The following SGCD variants were observed in gnomAD, a reference collection of about 807,000 sequenced individuals.
SGCD encodes the protein delta-sarcoglycan.
SGCD carries 18 observed loss-of-function variants against 36.6 expected under a neutral mutation model. That is an observed-to-expected ratio of 0.49 (90% confidence interval 0.34 to 0.73). The LOEUF is 0.73. Ranked by LOEUF, SGCD falls within the 30% of genes least tolerant of loss-of-function variation. The pLI is 0.01. For synonymous variants in SGCD, 133 were observed against 130.6 expected (o/e 1.02, Z -0.12); for missense variants, 387 against 346.7 (o/e 1.12, Z -0.92).
At chr5:156,214,941 T>C (rs750691494) in intron 3 of SGCD, among the ~76,000 whole-genome samples, 4 of 151,944 alleles carry the variant, frequency 2.6e-5, no homozygotes, top group Non-Finnish European at 4.4e-5. Flanking sequence ...GATGCAAAAA[T>C]AAAATCAAAA....
At chr5:156,660,263 G>A (rs1763857551) in intron 7 of SGCD, among the ~76,000 whole-genome samples, 1 of 151,950 alleles carries the variant, frequency 6.6e-6, no homozygotes, top group Non-Finnish European at 1.5e-5. Flanking sequence ...GATACCCAAT[G>A]GAAATATTTA....
intron 3 of SGCD, among the ~76,000 whole-genome samples, chr5:156,301,439 CTT>C (rs1265413951): frequency 2.0e-5 from 3 of 151,974 alleles, no homozygotes; most frequent in Non-Finnish European, 4.4e-5. Context: ...TGTTGTTTCT[CTT>C]TATATCTTAT....
chr5:155,821,263 A>G, the SGCD span, among the ~76,000 whole-genome samples: 1 of 152,178 alleles, frequency 6.6e-6, no homozygotes, highest in Non-Finnish European at 1.5e-5. Flanking sequence ...CTAAGTAAAT[A>G]GTCAGGGATT....
intron 3 of SGCD, among the ~76,000 whole-genome samples, chr5:156,273,572 T>A (rs1456087461): frequency 6.6e-6 from 1 of 152,212 alleles, no homozygotes; most frequent in Non-Finnish European, 1.5e-5. Context: ...CTGAGCTAAA[T>A]TTATTTCTCT....
intron 1 of SGCD, among the ~76,000 whole-genome samples, chr5:156,039,227 C>T (rs1248413007): frequency 6.8e-6 from 1 of 145,988 alleles, no homozygotes; most frequent in East Asian, 1.9e-4. Flanking sequence ...AATCAGCCAG[C>T]ACACTTAGTT....
chr5:155,777,407 A>G, the SGCD span, among the ~76,000 whole-genome samples: 1 of 149,698 alleles, frequency 6.7e-6, no homozygotes, highest in South Asian at 2.1e-4. Flanking sequence ...TCCAGGCTGG[A>G]GTACAGTGGC....
At chr5:156,272,204 A>G (rs1434259529) in intron 3 of SGCD, among the ~76,000 whole-genome samples, 3 of 152,060 alleles carry the variant, frequency 2.0e-5, no homozygotes, top group Non-Finnish European at 4.4e-5. Flanking sequence ...CCCAAGTTCC[A>G]TTATATTGTG....
At chr5:156,467,815 A>G (rs774501080) in intron 3 of SGCD, among the ~76,000 whole-genome samples, 1 of 152,230 alleles carries the variant, frequency 6.6e-6, no homozygotes, top group African/African-American at 2.4e-5. Flanking sequence ...TTTATAGACT[A>G]TAGGTTGCTG....
At chr5:156,572,092 A>G (rs1328241911) in intron 4 of SGCD, among the ~76,000 whole-genome samples, 1 of 152,216 alleles carries the variant, frequency 6.6e-6, no homozygotes, top group Non-Finnish European at 1.5e-5. Context: ...TCATTTTTGC[A>G]GGGGAATAAT....
chr5:156,611,528 C>A (rs1761810936), intron 6 of SGCD, among the ~76,000 whole-genome samples: 3 of 151,862 alleles, frequency 2.0e-5, no homozygotes, highest in African/African-American at 7.3e-5. Flanking sequence ...TTTCTTAAAG[C>A]TTTTAGAATT....
chr5:156,377,339 A>G (rs1235226383), intron 3 of SGCD, among the ~76,000 whole-genome samples: 1 of 152,156 alleles, frequency 6.6e-6, no homozygotes, highest in Non-Finnish European at 1.5e-5. Context: ...CCCAACTCCC[A>G]TCGCATTATA....
intron 1 of SGCD, among the ~76,000 whole-genome samples, chr5:156,038,016 G>T (rs540755486): frequency 5.4e-4 from 82 of 152,246 alleles, no homozygotes; most frequent in Non-Finnish European, 1.0e-3. Flanking sequence ...AAGCCTTCCC[G>T]TAACTGTCCT....
intron 3 of SGCD, among the ~76,000 whole-genome samples, chr5:156,279,565 A>T (rs942011550): frequency 6.6e-6 from 1 of 152,228 alleles, no homozygotes. Context: ...ACTCACAAAC[A>T]TGTAAAATAT....
chr5:156,315,984 A>T (rs552948493), intron 3 of SGCD, among the ~76,000 whole-genome samples: 1 of 152,114 alleles, frequency 6.6e-6, no homozygotes, highest in East Asian at 1.9e-4. Context: ...GCAATTAAGG[A>T]AGAAAAAACA....
chr5:156,547,051 T>C (rs542092909), intron 4 of SGCD, among the ~76,000 whole-genome samples: 1 of 152,318 alleles, frequency 6.6e-6, no homozygotes, highest in African/African-American at 2.4e-5. Flanking sequence ...TTTACCTATT[T>C]TGAAGTAGTT....
intron 1 of SGCD, among the ~76,000 whole-genome samples, chr5:155,924,894 T>C (rs553095028): frequency 6.6e-6 from 1 of 152,356 alleles, no homozygotes; most frequent in Non-Finnish European, 1.5e-5. Context: ...CCTATGCATA[T>C]TGCAGTCACT....
chr5:155,835,149 C>T, the SGCD span, among the ~76,000 whole-genome samples: 7,707 of 151,198 alleles, frequency 0.051, 335 homozygotes, highest in East Asian at 0.13. Flanking sequence ...GCTGGGATTA[C>T]AGGCGCCCAC....
At chr5:156,289,609 T>A (rs1335536634) in intron 3 of SGCD, among the ~76,000 whole-genome samples, 6 of 151,944 alleles carry the variant, frequency 3.9e-5, no homozygotes, top group African/African-American at 1.4e-4. Context: ...TTTATTTTAT[T>A]TTATTTTTGG....
intron 3 of SGCD, among the ~76,000 whole-genome samples, chr5:156,219,239 A>G (rs1764657196): frequency 6.6e-6 from 1 of 152,234 alleles, no homozygotes; most frequent in South Asian, 2.1e-4. Flanking sequence ...CATTCATTCA[A>G]CTTTTCCTAT....
Sources: gnomAD v4.1 joint callset for allele counts (sites outside exome capture counted in the v4.1 genomes callset) on GRCh38, gnomAD v4.1.1 for gene constraint, MANE v1.5 for transcripts, NCBI Gene and HGNC (gene_info 2026-07-23, HGNC 2026-07-21) for gene names.